LINGO2: variants seen among roughly 807,000 people sequenced by gnomAD.
LINGO2 encodes the protein leucine rich repeat and Ig domain containing 2.
LINGO2 carries 14 observed loss-of-function variants against 30.6 expected under a neutral mutation model. The observed-to-expected ratio is 0.46, with a 90% CI of 0.30 to 0.72. LINGO2 has a LOEUF of 0.72. Among genes scored for constraint, LINGO2 ranks in the 30% least tolerant of loss-of-function variants. The probability of loss-of-function intolerance (pLI) is 0.07; values close to 1 mark genes in which losing one functional copy is unlikely to be tolerated. For synonymous variants in LINGO2, 317 were observed against 288.5 expected (o/e 1.10, Z -1.00); for missense variants, 729 against 751.7 (o/e 0.97, Z 0.35).
chr9:28,989,523 T>G, the LINGO2 span, among the ~76,000 whole-genome samples: 1 of 152,186 alleles, frequency 6.6e-6, no homozygotes, highest in South Asian at 2.1e-4. Context: ...GAGCCTTGAT[T>G]GCCTAGGATA....
intron 3 of LINGO2, among the ~76,000 whole-genome samples, chr9:28,327,330 G>A (rs905654815): frequency 6.6e-6 from 1 of 152,156 alleles, no homozygotes; most frequent in Non-Finnish European, 1.5e-5. Context: ...CCAGCTGAAT[G>A]AGTATTAAGT....
intron 5 of LINGO2, among the ~76,000 whole-genome samples, chr9:27,989,861 T>C: frequency 6.6e-6 from 1 of 152,050 alleles, no homozygotes; most frequent in South Asian, 2.1e-4. Context: ...TCAGGTTTTA[T>C]GATTTCAAGC....
intron 1 of LINGO2, among the ~76,000 whole-genome samples, chr9:28,542,383 A>T (rs2135466692): frequency 6.6e-6 from 1 of 151,890 alleles, no homozygotes; most frequent in South Asian, 2.1e-4. Context: ...TCTACCAGAG[A>T]GGCCTAAGGA....
the LINGO2 span, among the ~76,000 whole-genome samples, chr9:29,159,102 T>G: frequency 6.6e-6 from 1 of 152,274 alleles, no homozygotes; most frequent in East Asian, 1.9e-4. Context: ...CATACTCTCC[T>G]GCACTATACT....
the LINGO2 span, among the ~76,000 whole-genome samples, chr9:28,908,732 T>C: frequency 1.3e-5 from 2 of 151,902 alleles, no homozygotes; most frequent in African/African-American, 4.8e-5. Flanking sequence ...AAATTAAGTT[T>C]TTTCTGTAAC....
At chr9:29,016,073 T>C in the LINGO2 span, among the ~76,000 whole-genome samples, 1 of 152,180 alleles carries the variant, frequency 6.6e-6, no homozygotes, top group African/African-American at 2.4e-5. Flanking sequence ...GTAAGTCTTG[T>C]CAAAATGTTT....
chr9:28,657,740 A>G (rs1341889030), intron 1 of LINGO2, among the ~76,000 whole-genome samples: 1 of 151,878 alleles, frequency 6.6e-6, no homozygotes, highest in Non-Finnish European at 1.5e-5. Flanking sequence ...TTTTTCTACT[A>G]TCTATTTTGT....
chr9:28,198,784 A>C (rs565456394), intron 4 of LINGO2, among the ~76,000 whole-genome samples: 4 of 152,286 alleles, frequency 2.6e-5, no homozygotes, highest in African/African-American at 7.2e-5. Context: ...TATTCAGCTC[A>C]GTAAAGTTTA....
intron 4 of LINGO2, among the ~76,000 whole-genome samples, chr9:28,231,552 G>C (rs1821356722): frequency 6.6e-6 from 1 of 151,958 alleles, no homozygotes; most frequent in South Asian, 2.1e-4. Flanking sequence ...AATATCTATA[G>C]CAATATCATA....
At chr9:28,246,419 TC>T (rs1410263925) in intron 4 of LINGO2, among the ~76,000 whole-genome samples, 1 of 151,850 alleles carries the variant, frequency 6.6e-6, no homozygotes, top group East Asian at 1.9e-4. Context: ...AGAGTGAGAC[TC>T]CATCTCAAAA....
intron 4 of LINGO2, among the ~76,000 whole-genome samples, chr9:28,118,602 A>G (rs1022748024): frequency 6.6e-6 from 1 of 152,162 alleles, no homozygotes; most frequent in African/African-American, 2.4e-5. Flanking sequence ...GATTTTTGGG[A>G]GAGTAGTAAC....
chr9:28,197,678 T>C (rs1313023284), intron 4 of LINGO2, among the ~76,000 whole-genome samples: 1 of 151,932 alleles, frequency 6.6e-6, no homozygotes, highest in Non-Finnish European at 1.5e-5. Context: ...AGTATAATAC[T>C]TTGAAACTAT....
At chr9:28,208,825 C>T (rs1353927746) in intron 4 of LINGO2, among the ~76,000 whole-genome samples, 2 of 152,022 alleles carry the variant, frequency 1.3e-5, no homozygotes, top group Non-Finnish European at 2.9e-5. Flanking sequence ...CTCACACATG[C>T]TTCATCTTCT....
the LINGO2 span, among the ~76,000 whole-genome samples, chr9:28,687,759 GTTTATT>G: frequency 2.6e-5 from 4 of 151,220 alleles, no homozygotes; most frequent in African/African-American, 9.7e-5. Flanking sequence ...ATTTTTTTTT[GTTTATT>G]TTTATTCAGC....
Position 28,129,188 on chromosome 9 carries a change from T to A in LINGO2, c.-86-116783A>T, listed in dbSNP as rs1220321007. On this transcript the variant is annotated intron_variant, in intron 4 of 5. Coordinates refer to ENST00000379992, the Ensembl canonical transcript of LINGO2. This position sits in a 1 kb window ranked among gnomAD's most constrained non-coding sequence, Gnocchi z 4.0. ...GGACTCGGGCTGATCTACCACTGGC[T>A]TCCTTGCTCCTCAGCTTGCAGGCAG... 6.6e-6 allele frequency among the ~76,000 whole-genome samples: 1 copy of A among 152,186 alleles called. No homozygotes were observed. Among genetic ancestry groups the A allele is most frequent in the Admixed American group, 6.5e-5 (1 of 15,282 alleles).
At chr9:27,995,559 A>G (rs1821619437) in intron 5 of LINGO2, among the ~76,000 whole-genome samples, 1 of 152,182 alleles carries the variant, frequency 6.6e-6, no homozygotes, top group South Asian at 2.1e-4. Context: ...TATTCCAGAG[A>G]TGTAAAGATG....
chr9:28,149,812 C>T (rs1452234432), intron 4 of LINGO2, among the ~76,000 whole-genome samples: 10 of 130,984 alleles, frequency 7.6e-5, no homozygotes, highest in Admixed American at 2.3e-4. Flanking sequence ...TGGGAAGTGA[C>T]GAGCACCTCT....
At chr9:28,222,000 C>T (rs1265300512) in intron 4 of LINGO2, among the ~76,000 whole-genome samples, 1 of 152,084 alleles carries the variant, frequency 6.6e-6, no homozygotes, top group East Asian at 1.9e-4. Context: ...TTTGTATTAT[C>T]TTTTGTGAGA....
chr9:28,782,683 T>C, the LINGO2 span, among the ~76,000 whole-genome samples: 50 of 152,218 alleles, frequency 3.3e-4, no homozygotes, highest in Non-Finnish European at 5.1e-4. Flanking sequence ...CAGTGAAGAA[T>C]TTGTTACTTC....
Sources: allele counts gnomAD v4.1 joint callset (sites outside exome capture counted in the v4.1 genomes callset), GRCh38; gene constraint gnomAD v4.1.1; non-coding constraint Gnocchi (gnomAD v3.1); transcripts MANE v1.5; gene names NCBI Gene and HGNC (gene_info 2026-07-23, HGNC 2026-07-21).